Variants in WDR35 observed in about 807,000 individuals in gnomAD.
The protein encoded by WDR35 is WD repeat-containing protein 35.
A neutral mutation model predicts 158.3 loss-of-function variants in WDR35; 118 were observed. The ratio of observed to expected loss-of-function variants is 0.75; its 90% CI spans 0.64 to 0.87. WDR35 has a LOEUF of 0.87. WDR35 is among the 40% of genes least tolerant of loss of function. The pLI is 0.00. For synonymous variants in WDR35, 448 were observed against 476.1 expected (o/e 0.94, Z 0.77); for missense variants, 1,263 against 1,405.8 (o/e 0.90, Z 1.62).
At chr2:19,939,273 C>T (rs748039882) in intron 17 of WDR35, among the ~76,000 whole-genome samples, 11 of 151,602 alleles carry the variant, frequency 7.3e-5, no homozygotes, top group Admixed American at 1.3e-4. Flanking sequence ...GATTACAAGA[C>T]GAAATTTAAA....
At chr2:19,931,458 T>G in intron 23 of WDR35, 49 bp from the exon 24 acceptor site, 1 of 1,601,564 alleles carries the variant, frequency 6.2e-7, no homozygotes, top group Non-Finnish European at 8.5e-7. Context: ...TCTATATTTG[T>G]ACAAATACAA....
At position 19,915,084 on chromosome 2, in the gene WDR35, T is replaced by TA. The variant is rs988463624; in HGVS notation, c.3122-808dup. ...ATGTACCCCAGAACTTAAAGTATAATAAAAAAAGCAGACTTAATATTAGAT... is the reference window on the plus strand; with the variant it reads ...ATGTACCCCAGAACTTAAAGTATAATAAAAAAAAGCAGACTTAATATTAGAT... On this transcript the variant is annotated intron_variant, in intron 25 of 26. Transcript: ENST00000281405. Among the ~76,000 whole-genome samples the TA allele has an allele frequency of 6.5e-4, 98 of 151,768 alleles. 6 individuals carry two copies. Among genetic ancestry groups the TA allele is most frequent in the Non-Finnish European group, 5.9e-5 (4 of 67,970 alleles).
rs867715686 is a variant in WDR35, at chr2:19,980,700, AC to A, written c.297del (p.Met99IlefsTer11). 4.3e-6 allele frequency: 7 copies of A among 1,613,080 alleles called. No individual in the cohort carries two copies. Among genetic ancestry groups the A allele is most frequent in the Non-Finnish European group, 5.9e-6 (7 of 1,179,138 alleles). On this transcript the variant is annotated frameshift_variant, in exon 4 of 27. Transcript: ENST00000281405. LOFTEE classifies it high-confidence loss of function. ...TCCTAGTAAAGTATACCTTTATATA[AC>A]ATCCACACAATGATAAGCCCGTTTT... The part of the protein sequence containing the change: ...SDENGLIIVW[M>X]LYKGSWIEEM...
intron 25 of WDR35, among the ~76,000 whole-genome samples, chr2:19,917,147 G>C (rs1010979232): frequency 6.6e-6 from 1 of 152,122 alleles, no homozygotes; most frequent in African/African-American, 2.4e-5. Context: ...TGCTGGAGAG[G>C]GGCCTGACTG....
At position 19,934,056 on chromosome 2, in the gene WDR35, C is replaced by CCACCACCAT. The variant is rs1329549254; in HGVS notation, c.2548-546_2548-545insATGGTGGTG. On this transcript the variant is annotated intron_variant, in intron 21 of 26. Coordinates refer to ENST00000281405, the MANE Select transcript of WDR35 (RefSeq NM_020779.4). This position sits in a 1 kb window ranked among gnomAD's most constrained non-coding sequence, Gnocchi z 4.6. ...ACCACCACCACCACCACCACCACCA[C>CCACCACCAT]CACCACCACCACCACCACAAAAAAA... Among the ~76,000 whole-genome samples, 2 of 145,910 alleles carry CCACCACCAT rather than the reference C, an allele frequency of 1.4e-5. No homozygotes were observed. The highest frequency in any genetic ancestry group is 5.1e-5 in the African/African-American group (2 of 39,278).
chr2:19,939,998 A>AT (rs545179957), intron 17 of WDR35, among the ~76,000 whole-genome samples: 426 of 151,830 alleles, frequency 2.8e-3, no homozygotes, highest in African/African-American at 9.3e-3. Context: ...AAATAAAAAA[A>AT]AAAGAAATAA....
intron 25 of WDR35, among the ~76,000 whole-genome samples, chr2:19,918,699 A>G (rs929957823): frequency 6.6e-6 from 1 of 152,256 alleles, no homozygotes; most frequent in Admixed American, 6.5e-5. Flanking sequence ...AGAGCTAACC[A>G]TCGTAAATAT....
At chr2:19,931,242 G>A in intron 24 of WDR35, 27 bp downstream of exon 24, 2 of 1,596,658 alleles carry the variant, frequency 1.3e-6, no homozygotes, top group Non-Finnish European at 1.7e-6. Flanking sequence ...TTCCAATGAT[G>A]TAATGTTATT....
At chr2:19,930,605 T>C in intron 24 of WDR35, 53 bp from the exon 25 acceptor site, 1 of 1,610,884 alleles carries the variant, frequency 6.2e-7, no homozygotes, top group East Asian at 2.2e-5. Flanking sequence ...ACACACAGTG[T>C]CAACTCCCAA....
chr2:19,990,098 A>T lies in WDR35; in HGVS notation c.-83T>A, dbSNP rs1572376536. Reference sequence around the variant, plus strand: ...TACGTCTCCAATCGGGAGTACCAGCAGCTCCGGAAAGCTCCCGTCGCCCTG... The same window carrying T: ...TACGTCTCCAATCGGGAGTACCAGCTGCTCCGGAAAGCTCCCGTCGCCCTG... On this transcript the variant is annotated 5_prime_UTR_variant, in exon 1 of 27. Coordinates refer to ENST00000281405, the MANE Select transcript of WDR35 (RefSeq NM_020779.4). The T allele has an allele frequency of 6.4e-7, 1 of 1,563,556 alleles. No individual in the cohort carries two copies. The highest frequency in any genetic ancestry group is 2.3e-5 in the East Asian group (1 of 42,936).
At chr2:19,966,946 A>C (rs761236167) in intron 9 of WDR35, 37 bp from the exon 10 acceptor site, 6 of 1,595,666 alleles carry the variant, frequency 3.8e-6, no homozygotes, top group Non-Finnish European at 5.2e-6. Context: ...AAGGAGATTG[A>C]AAGGGAGAAG....
At chr2:19,964,839 A>G (rs1170742264) in intron 10 of WDR35, among the ~76,000 whole-genome samples, 1 of 152,142 alleles carries the variant, frequency 6.6e-6, no homozygotes, top group Non-Finnish European at 1.5e-5. Context: ...TTAATTTCCA[A>G]AAACTTCCTC....
intron 2 of WDR35, among the ~76,000 whole-genome samples, chr2:19,983,192 T>C (rs1213642901): frequency 4.6e-5 from 7 of 152,168 alleles, no homozygotes; most frequent in African/African-American, 1.7e-4. Context: ...GAAGAACTGA[T>C]ATTTAAGCTG....
chr2:19,941,709 A>G, intron 17 of WDR35, 50 bp downstream of exon 17: 1 of 1,364,440 alleles, frequency 7.3e-7, no homozygotes, highest in Non-Finnish European at 1.0e-6. Context: ...CTGGTCCAGA[A>G]ATAATCCCCT....
chr2:19,961,092 A>G, intron 10 of WDR35, among the ~76,000 whole-genome samples: 1 of 152,228 alleles, frequency 6.6e-6, no homozygotes, highest in South Asian at 2.1e-4. Context: ...AAGAAACATT[A>G]ATTCTGCTAA....
chr2:19,923,022 GC>G (rs1009444318), intron 25 of WDR35, among the ~76,000 whole-genome samples: 1 of 152,170 alleles, frequency 6.6e-6, no homozygotes, highest in African/African-American at 2.4e-5. Flanking sequence ...CTTTATTTCA[GC>G]CCATTCCTTC....
chr2:19,933,623 A>T, intron 21 of WDR35, 112 bp from the exon 22 acceptor site: 1 of 926,892 alleles, frequency 1.1e-6, no homozygotes, highest in Non-Finnish European at 1.7e-6. Context: ...TGGTAGTTAC[A>T]GATTTTTCTT....
In WDR35 at chr2:19,932,306, CAAAA is replaced by C; in HGVS notation, c.2796_2799del (p.Phe932LeufsTer6). On this transcript the variant is annotated frameshift_variant, in exon 23 of 27. Coordinates refer to ENST00000281405, the MANE Select transcript of WDR35 (RefSeq NM_020779.4). LOFTEE classifies it high-confidence loss of function. ...ACCTTAAACATCAGTTTAGCTGCAT[CAAAA>C]AAGTAATTGGCTTTCCGATAGAGTT... The C allele has an allele frequency of 4.3e-6, 7 of 1,613,214 alleles. No homozygotes were observed. The highest frequency in any genetic ancestry group is 5.9e-6 in the Non-Finnish European group (7 of 1,179,476).
intron 8 of WDR35, among the ~76,000 whole-genome samples, chr2:19,971,380 A>G (rs1672029665): frequency 6.6e-6 from 1 of 152,198 alleles, no homozygotes; most frequent in South Asian, 2.1e-4. Context: ...GACTACTGCC[A>G]TTATACAAAG....
Sources: allele counts gnomAD v4.1 joint callset (sites outside exome capture counted in the v4.1 genomes callset), GRCh38; gene constraint gnomAD v4.1.1; non-coding constraint Gnocchi (gnomAD v3.1); transcripts MANE v1.5; gene names NCBI Gene and HGNC (gene_info 2026-07-23, HGNC 2026-07-21).